Variants in SLC44A3 observed in about 807,000 individuals in gnomAD.
SLC44A3 encodes the protein solute carrier family 44 member 3.
SLC44A3 carries 74 observed loss-of-function variants against 75.4 expected under a neutral mutation model. The observed-to-expected ratio is 0.98, with a 90% CI of 0.81 to 1.19. The LOEUF is 1.19. SLC44A3 is among the 50% of genes most tolerant of loss of function. SLC44A3 has a pLI of 0.00. For missense variants in SLC44A3, 700 were observed against 778.6 expected (o/e 0.90, Z 1.20); for synonymous variants, 310 against 296.9 (o/e 1.04, Z -0.45).
intron 5 of SLC44A3, 57 bp from the exon 6 acceptor site, chr1:94,837,654 C>G (rs980427062): frequency 2.0e-6 from 3 of 1,487,332 alleles, no homozygotes; most frequent in Admixed American, 2.4e-5. Flanking sequence ...AAATAAACAT[C>G]TTTTAAAGAT....
At chr1:94,862,384 G>C (rs1370746483) in intron 10 of SLC44A3, among the ~76,000 whole-genome samples, 1 of 152,200 alleles carries the variant, frequency 6.6e-6, no homozygotes, top group South Asian at 2.1e-4. Flanking sequence ...CTTGTCTCTA[G>C]GACCATGATG....
chr1:94,834,398 A>T (rs1283991808), intron 5 of SLC44A3, among the ~76,000 whole-genome samples: 1 of 152,248 alleles, frequency 6.6e-6, no homozygotes, highest in Non-Finnish European at 1.5e-5. Context: ...TTAAGATTAT[A>T]ACCCAAAGAA....
chr1:94,830,572 G>A (rs1661990105), intron 5 of SLC44A3, among the ~76,000 whole-genome samples: 1 of 151,886 alleles, frequency 6.6e-6, no homozygotes, highest in South Asian at 2.1e-4. Flanking sequence ...TTTACATTCT[G>A]GTAAAATGTA....
chr1:94,839,225 T>C (rs1264705773), intron 6 of SLC44A3, among the ~76,000 whole-genome samples: 1 of 152,194 alleles, frequency 6.6e-6, no homozygotes, highest in Non-Finnish European at 1.5e-5. Flanking sequence ...TAATCTTTCA[T>C]ATTTAATAAG....
chr1:94,888,070 C>A (rs1425004857), intron 12 of SLC44A3, among the ~76,000 whole-genome samples: 2 of 152,054 alleles, frequency 1.3e-5, no homozygotes, highest in African/African-American at 4.8e-5. Context: ...CATCCCTTTG[C>A]GGTAGGTGCT....
Position 94,842,669 on chromosome 1 carries a change from A to G in SLC44A3, c.885+545A>G, listed in dbSNP as rs140419620. On this transcript the variant is annotated intron_variant, in intron 8 of 14. Transcript: ENST00000271227. ...GGTGGGTGGTTGGCAACCAAATGTC[A>G]TTCAGGACCCTCTCCAGGGGCCGTT... Among the ~76,000 whole-genome samples the G allele has an allele frequency of 2.6e-3, 392 of 152,334 alleles. 3 individuals carry two copies. The highest frequency in any genetic ancestry group is 0.016 in the South Asian group (75 of 4,830).
At chr1:94,830,337 C>T (rs1257810349) in intron 5 of SLC44A3, among the ~76,000 whole-genome samples, 1 of 152,130 alleles carries the variant, frequency 6.6e-6, no homozygotes, top group African/African-American at 2.4e-5. Flanking sequence ...CTCAGCCTCC[C>T]AAGTAGCTGG....
At chr1:94,868,575 G>A (rs546152298) in intron 12 of SLC44A3, among the ~76,000 whole-genome samples, 19 of 152,278 alleles carry the variant, frequency 1.2e-4, no homozygotes, top group East Asian at 7.7e-4. Flanking sequence ...AGTCCAAACC[G>A]TTTGAATACA....
At chr1:94,857,921 C>T (rs1450731892) in intron 10 of SLC44A3, among the ~76,000 whole-genome samples, 2 of 143,696 alleles carry the variant, frequency 1.4e-5, no homozygotes, top group Admixed American at 7.6e-5. Context: ...TCGAGCGATT[C>T]TTCTGCCTCA....
chr1:94,895,077 C>A lies in SLC44A3; in HGVS notation c.*155C>A. 1 of 599,652 alleles carries A rather than the reference C, an allele frequency of 1.7e-6. No individual in the cohort carries two copies. Among genetic ancestry groups the A allele is most frequent in the Non-Finnish European group, 3.0e-6 (1 of 335,578 alleles). The allele number at this position is 599,652 out of a possible 1,614,324, so 37.1% of individuals were successfully genotyped here. ...CATTGTCTTTGTCATTATTGTTTGACCAGGTAACAATACTGGAACTATATT... is the reference window on the plus strand; with the variant it reads ...CATTGTCTTTGTCATTATTGTTTGAACAGGTAACAATACTGGAACTATATT... On this transcript the variant is annotated 3_prime_UTR_variant, in exon 15 of 15. Transcript: ENST00000271227.
intron 12 of SLC44A3, chr1:94,888,618 C>T (rs970187432): frequency 2.0e-6 from 2 of 980,212 alleles, no homozygotes; most frequent in African/African-American, 1.8e-5. Flanking sequence ...AAGTCCAAAA[C>T]CAAAATTTCC....
At chr1:94,857,926 G>C (rs763929693) in intron 10 of SLC44A3, among the ~76,000 whole-genome samples, 5 of 147,254 alleles carry the variant, frequency 3.4e-5, no homozygotes, top group Non-Finnish European at 5.9e-5. Flanking sequence ...CGATTCTTCT[G>C]CCTCAGCCTC....
At chr1:94,842,617 T>C (rs1307793298) in intron 8 of SLC44A3, among the ~76,000 whole-genome samples, 6 of 152,218 alleles carry the variant, frequency 3.9e-5, no homozygotes, top group Admixed American at 3.3e-4. Context: ...ACTTAGAATA[T>C]TGAGGGAGCA....
intron 5 of SLC44A3, among the ~76,000 whole-genome samples, chr1:94,829,719 T>C (rs1661870400): frequency 6.6e-6 from 1 of 152,226 alleles, no homozygotes; most frequent in South Asian, 2.1e-4. Flanking sequence ...AATGTGAGTA[T>C]GTTTACAATG....
chr1:94,883,839 G>A (rs1392285796), intron 12 of SLC44A3, among the ~76,000 whole-genome samples: 2 of 152,154 alleles, frequency 1.3e-5, no homozygotes, highest in Non-Finnish European at 2.9e-5. Context: ...ATGAGCATTT[G>A]TCCTTTTATT....
intron 9 of SLC44A3, among the ~76,000 whole-genome samples, chr1:94,853,825 A>T (rs1282893912): frequency 3.3e-5 from 5 of 150,890 alleles, no homozygotes; most frequent in African/African-American, 1.2e-4. Flanking sequence ...GGAGCATGTA[A>T]GTTTCTGATA....
intron 14 of SLC44A3, among the ~76,000 whole-genome samples, chr1:94,892,722 G>C (rs1670357866): frequency 6.6e-6 from 1 of 152,092 alleles, no homozygotes; most frequent in Non-Finnish European, 1.5e-5. Flanking sequence ...CCTTCTCCCT[G>C]AAGAAGTGAA....
intron 5 of SLC44A3, among the ~76,000 whole-genome samples, chr1:94,834,945 A>G (rs187107181): frequency 6.6e-6 from 1 of 152,324 alleles, no homozygotes; most frequent in African/African-American, 2.4e-5. Context: ...CTAGGTGATC[A>G]AGGTCAACTT....
chr1:94,822,013 T>C (rs751992850), intron 2 of SLC44A3, among the ~76,000 whole-genome samples: 2 of 152,224 alleles, frequency 1.3e-5, no homozygotes, highest in African/African-American at 2.4e-5. Context: ...CCCTAGGAGC[T>C]GGGAGAGACA....
Sources: allele counts gnomAD v4.1 joint callset (sites outside exome capture counted in the v4.1 genomes callset), GRCh38; gene constraint gnomAD v4.1.1; transcripts MANE v1.5; gene names NCBI Gene and HGNC (gene_info 2026-07-23, HGNC 2026-07-21).